The following SPATA6 variants were observed in gnomAD, a reference collection of about 807,000 sequenced individuals.
SPATA6 encodes the protein spermatogenesis-associated protein 6.
SPATA6 carries 56 observed loss-of-function variants against 65.3 expected under a neutral mutation model. That is an observed-to-expected ratio of 0.86 (90% confidence interval 0.69 to 1.07). The LOEUF (loss-of-function observed/expected upper bound fraction) is 1.07, where lower values mean the gene tolerates loss of function less well. SPATA6 is among the 50% of genes least tolerant of loss of function. The probability of loss-of-function intolerance (pLI) is 0.00; values close to 1 mark genes in which losing one functional copy is unlikely to be tolerated. For synonymous variants in SPATA6, 199 were observed against 213.2 expected, an observed-to-expected ratio of 0.93 and a Z score of 0.58; for missense variants, 590 against 594.8, an observed-to-expected ratio of 0.99 and a Z score of 0.08.
chr1:48,353,339 C>A (rs542423737), intron 11 of SPATA6, among the ~76,000 whole-genome samples: 1 of 150,808 alleles, frequency 6.6e-6, no homozygotes, highest in South Asian at 2.1e-4. Context: ...AAAAGAACCA[C>A]GAGTTAATAC....
intron 9 of SPATA6, 61 bp downstream of exon 9, chr1:48,385,248 T>C: frequency 7.0e-7 from 1 of 1,423,778 alleles, no homozygotes; most frequent in African/African-American, 1.4e-5. Context: ...ATATATGAAA[T>C]AGACTCATGT....
intron 4 of SPATA6, 105 bp downstream of exon 4, chr1:48,413,005 A>G (rs1214710847): frequency 3.0e-6 from 1 of 337,406 alleles, no homozygotes; most frequent in Non-Finnish European, 4.8e-6. Flanking sequence ...AATACACTAT[A>G]TTATATCCTT....
intron 11 of SPATA6, among the ~76,000 whole-genome samples, chr1:48,332,770 T>C (rs1015243835): frequency 4.6e-5 from 7 of 152,122 alleles, no homozygotes; most frequent in Non-Finnish European, 1.0e-4. Context: ...CAACAGAATA[T>C]ACATTCTTTT....
the SPATA6 span, among the ~76,000 whole-genome samples, chr1:48,274,692 G>T: frequency 6.6e-6 from 1 of 152,032 alleles, no homozygotes; most frequent in African/African-American, 2.4e-5. Flanking sequence ...CTGTTCCATT[G>T]GTCTATATAT....
intron 7 of SPATA6, 107 bp downstream of exon 7, chr1:48,399,242 GAA>G: frequency 1.6e-6 from 2 of 1,278,062 alleles, no homozygotes; most frequent in East Asian, 4.9e-5. Flanking sequence ...AGTCAGAAGA[GAA>G]AAGTATTATT....
chr1:48,447,856 C>T (rs1286125059), intron 3 of SPATA6: 2 of 151,830 alleles, frequency 1.3e-5, no homozygotes, highest in Non-Finnish European at 2.9e-5. Flanking sequence ...TTAATGGTAA[C>T]AAAAAATAAC....
intron 3 of SPATA6, among the ~76,000 whole-genome samples, chr1:48,438,666 C>A (rs928184132): frequency 1.9e-4 from 29 of 152,168 alleles, no homozygotes; most frequent in African/African-American, 7.0e-4. Flanking sequence ...CTATCCTGAC[C>A]CTTGCCTCCT....
chr1:48,425,973 A>G (rs971498318), intron 3 of SPATA6, among the ~76,000 whole-genome samples: 2 of 152,194 alleles, frequency 1.3e-5, no homozygotes, highest in African/African-American at 4.8e-5. Context: ...AAACTACATT[A>G]CTAAGTCAGA....
At chr1:48,349,046 C>T (rs1646446469) in intron 11 of SPATA6, among the ~76,000 whole-genome samples, 1 of 151,866 alleles carries the variant, frequency 6.6e-6, no homozygotes, top group Non-Finnish European at 1.5e-5. Context: ...GGCACTTTGA[C>T]TATTTTACTA....
At chr1:48,392,758 A>C (rs1200756424) in intron 8 of SPATA6, among the ~76,000 whole-genome samples, 9 of 152,158 alleles carry the variant, frequency 5.9e-5, no homozygotes, top group Non-Finnish European at 1.2e-4. Flanking sequence ...TAATTTGGCA[A>C]GAAAATGTTC....
At chr1:48,307,256 T>C (rs1489896934) in intron 11 of SPATA6, among the ~76,000 whole-genome samples, 1 of 151,210 alleles carries the variant, frequency 6.6e-6, no homozygotes, top group East Asian at 1.9e-4. Context: ...AAGGATATCA[T>C]ATAGGGGTAT....
At chr1:48,435,084 G>A (rs146978698) in intron 3 of SPATA6, among the ~76,000 whole-genome samples, 13 of 152,010 alleles carry the variant, frequency 8.6e-5, no homozygotes, top group Non-Finnish European at 1.8e-4. Context: ...CCTTAGAGGG[G>A]CATATAGGGT....
intron 3 of SPATA6, among the ~76,000 whole-genome samples, chr1:48,428,261 C>T (rs952135473): frequency 6.6e-6 from 1 of 152,126 alleles, no homozygotes; most frequent in Admixed American, 6.5e-5. Context: ...TCGAGACCAG[C>T]CTGACCAACA....
intron 5 of SPATA6, among the ~76,000 whole-genome samples, chr1:48,409,587 G>A (rs1652023975): frequency 6.6e-6 from 1 of 152,230 alleles, no homozygotes; most frequent in African/African-American, 2.4e-5. Context: ...CCTAGCAGAG[G>A]TTCTCCATGA....
intron 3 of SPATA6, among the ~76,000 whole-genome samples, chr1:48,435,717 C>A (rs745574314): frequency 6.6e-6 from 1 of 152,170 alleles, no homozygotes. Context: ...TCCAAGCCCA[C>A]GGCCCCGGTC....
chr1:48,367,949 A>T (rs1246253885), intron 9 of SPATA6, among the ~76,000 whole-genome samples: 2 of 152,002 alleles, frequency 1.3e-5, no homozygotes, highest in African/African-American at 4.8e-5. Context: ...GTTCCTTTCC[A>T]TGTTTAGTGC....
At chr1:48,421,730 A>G (rs72895159) in intron 3 of SPATA6, among the ~76,000 whole-genome samples, 2,208 of 152,266 alleles carry the variant, frequency 0.015, 53 homozygotes, top group African/African-American at 0.05. Context: ...CAAAAGCAGC[A>G]AGAAAAATAT....
At chr1:48,364,126 T>G (rs1487532981) in intron 9 of SPATA6, among the ~76,000 whole-genome samples, 1 of 152,214 alleles carries the variant, frequency 6.6e-6, no homozygotes, top group Non-Finnish European at 1.5e-5. Flanking sequence ...ACAAAGGACA[T>G]GAACTCATCA....
intron 11 of SPATA6, among the ~76,000 whole-genome samples, chr1:48,327,931 T>A (rs1264716287): frequency 6.6e-6 from 1 of 152,184 alleles, no homozygotes; most frequent in African/African-American, 2.4e-5. Context: ...CATTACACCA[T>A]ATATCCATGT....
Sources: gnomAD v4.1 joint callset for allele counts (sites outside exome capture counted in the v4.1 genomes callset) on GRCh38, gnomAD v4.1.1 for gene constraint, MANE v1.5 for transcripts, NCBI Gene and HGNC (gene_info 2026-07-23, HGNC 2026-07-21) for gene names.